Variants in FAM107B observed in about 807,000 individuals in gnomAD.
FAM107B encodes protein FAM107B.
In FAM107B, 21 loss-of-function variants were observed where a neutral mutation model predicts 31.5. That is an observed-to-expected ratio of 0.67 (90% CI 0.47 to 0.96). The LOEUF (loss-of-function observed/expected upper bound fraction) is 0.96. Among genes scored for constraint, FAM107B ranks in the 40% least tolerant of loss-of-function variants. The pLI is 0.00. For missense variants in FAM107B, 452 were observed against 377.1 expected, an observed-to-expected ratio of 1.20 and a Z score of -1.64; for synonymous variants, 157 against 141.5, an observed-to-expected ratio of 1.11 and a Z score of -0.78.
intron 1 of FAM107B, among the ~76,000 whole-genome samples, chr10:14,714,711 G>C (rs1404601908): frequency 1.3e-5 from 2 of 152,108 alleles, no homozygotes; most frequent in Non-Finnish European, 2.9e-5. Context: ...CTCTTCCAAA[G>C]AAACTGCCCT....
chr10:14,526,840 A>T (rs7098809), intron 3 of FAM107B, among the ~76,000 whole-genome samples: 39,423 of 147,780 alleles, frequency 0.27, 5,709 homozygotes, highest in Middle Eastern at 0.33. Flanking sequence ...AGAAATATTA[A>T]TTTTTTTTTT....
chr10:14,731,607 A>T (rs1208691375), intron 1 of FAM107B, among the ~76,000 whole-genome samples: 1 of 152,178 alleles, frequency 6.6e-6, no homozygotes, highest in East Asian at 1.9e-4. Flanking sequence ...AACTTTTTAA[A>T]TCTCTCAATG....
intron 2 of FAM107B, among the ~76,000 whole-genome samples, chr10:14,604,881 TTCTCTC>T (rs1202076049): frequency 6.6e-6 from 1 of 152,210 alleles, no homozygotes; most frequent in South Asian, 2.1e-4. Flanking sequence ...CTTTCATTCT[TTCTCTC>T]TCCTCTGTCT....
intron 2 of FAM107B, among the ~76,000 whole-genome samples, chr10:14,540,991 C>G (rs1015107522): frequency 1.1e-4 from 16 of 152,330 alleles, no homozygotes; most frequent in Non-Finnish European, 1.5e-4. Flanking sequence ...AGCACACACA[C>G]CATTCTTCCA....
intron 1 of FAM107B, among the ~76,000 whole-genome samples, chr10:14,764,704 C>A (rs914374910): frequency 6.6e-6 from 1 of 152,198 alleles, no homozygotes; most frequent in African/African-American, 2.4e-5. Context: ...TCTAATTTCC[C>A]ATAATTGATG....
intron 1 of FAM107B, among the ~76,000 whole-genome samples, chr10:14,675,734 G>A (rs1433406565): frequency 6.6e-6 from 1 of 152,104 alleles, no homozygotes; most frequent in Non-Finnish European, 1.5e-5. Context: ...AATAATTCTG[G>A]ATTAGAGTCT....
chr10:14,740,454 G>C (rs751129619), intron 1 of FAM107B, among the ~76,000 whole-genome samples: 3 of 152,160 alleles, frequency 2.0e-5, no homozygotes, highest in Admixed American at 2.0e-4. Context: ...GGGGTACGGG[G>C]GAAGGAGACA....
intron 1 of FAM107B, among the ~76,000 whole-genome samples, chr10:14,725,841 T>TC (rs1386740182): frequency 6.7e-6 from 1 of 149,082 alleles, no homozygotes; most frequent in Non-Finnish European, 1.5e-5. Flanking sequence ...TTTTTTTTTT[T>TC]TGGAAATGGA....
At chr10:14,750,605 CTG>C (rs1352273667) in intron 1 of FAM107B, among the ~76,000 whole-genome samples, 1 of 152,132 alleles carries the variant, frequency 6.6e-6, no homozygotes, top group Non-Finnish European at 1.5e-5. Flanking sequence ...GAGTGAGACT[CTG>C]TCTCAAAAAC....
chr10:14,560,629 G>A (rs1056467589), intron 2 of FAM107B, among the ~76,000 whole-genome samples: 2 of 152,150 alleles, frequency 1.3e-5, no homozygotes, highest in Admixed American at 6.5e-5. Flanking sequence ...TGCGACAGGG[G>A]CCTCAGCAAG....
chr10:14,597,382 T>C (rs1008808363), intron 2 of FAM107B, among the ~76,000 whole-genome samples: 1 of 152,228 alleles, frequency 6.6e-6, no homozygotes, highest in Admixed American at 6.5e-5. Context: ...CTCTGTCCCA[T>C]ATATTAATAA....
intron 3 of FAM107B, among the ~76,000 whole-genome samples, chr10:14,525,708 A>G (rs891127661): frequency 6.6e-6 from 1 of 152,194 alleles, no homozygotes; most frequent in Non-Finnish European, 1.5e-5. Context: ...ACTGTTCACT[A>G]TTAAAAACAA....
At chr10:14,626,387 G>A (rs1405820832) in intron 2 of FAM107B, among the ~76,000 whole-genome samples, 2 of 152,020 alleles carry the variant, frequency 1.3e-5, no homozygotes, top group East Asian at 3.8e-4. Context: ...GAATTTAGGT[G>A]CAAAAGAGCA....
At chr10:14,757,622 C>T (rs1488618401) in intron 1 of FAM107B, among the ~76,000 whole-genome samples, 2 of 152,200 alleles carry the variant, frequency 1.3e-5, no homozygotes, top group African/African-American at 4.8e-5. Context: ...CTGATGACTT[C>T]CGCAGGCAGC....
rs561156355 is a variant in FAM107B at position 14,660,589 on chromosome 10, T to A, written c.469+7045A>T. ...ATAAAATTAGTAAGTGAAGGATCCG[T>A]AGTTTCTGTATGTCACCTACAAACC... On this transcript the variant is annotated intron_variant, in intron 2 of 4. Coordinates refer to ENST00000181796, the MANE Select transcript of FAM107B (RefSeq NM_031453.4). 9.8e-5 allele frequency among the ~76,000 whole-genome samples: 15 copies of A among 152,348 alleles called. No homozygotes were observed. The South Asian group carries it at 3.1e-3, about 32-fold the overall frequency.
chr10:14,762,042 T>G, intron 1 of FAM107B, among the ~76,000 whole-genome samples: 1 of 152,144 alleles, frequency 6.6e-6, no homozygotes, highest in East Asian at 1.9e-4. Context: ...GTGTAAACAC[T>G]CTGAGTATCT....
intron 2 of FAM107B, among the ~76,000 whole-genome samples, chr10:14,558,225 A>G (rs1220863786): frequency 2.6e-5 from 4 of 151,964 alleles, no homozygotes; most frequent in Non-Finnish European, 4.4e-5. Flanking sequence ...ATTCACACAC[A>G]TGTGCATGCG....
intron 2 of FAM107B, among the ~76,000 whole-genome samples, chr10:14,634,605 A>G (rs1853449669): frequency 6.7e-6 from 1 of 149,694 alleles, no homozygotes; most frequent in Non-Finnish European, 1.5e-5. Flanking sequence ...AAGAAAAAAG[A>G]AAAAAAACCC....
At chr10:14,634,210 C>G (rs1364217683) in intron 2 of FAM107B, among the ~76,000 whole-genome samples, 1 of 151,998 alleles carries the variant, frequency 6.6e-6, no homozygotes, top group East Asian at 1.9e-4. Flanking sequence ...TCCTGGCTAA[C>G]ACGGTGAAAC....
Sources: allele counts gnomAD v4.1 joint callset (sites outside exome capture counted in the v4.1 genomes callset), GRCh38; gene constraint gnomAD v4.1.1; transcripts MANE v1.5; gene names NCBI Gene and HGNC (gene_info 2026-07-23, HGNC 2026-07-21).